Variants in PLEKHG6 observed in about 807,000 individuals in gnomAD.
The protein encoded by PLEKHG6 is pleckstrin homology and RhoGEF domain containing G6.
Under a neutral mutation model 97.5 loss-of-function variants are expected in PLEKHG6, and 91 were observed. That is an observed-to-expected ratio of 0.93 (90% confidence interval 0.79 to 1.11). The LOEUF (loss-of-function observed/expected upper bound fraction) is 1.11, where lower values mean the gene tolerates loss of function less well. Among genes scored for constraint, PLEKHG6 ranks in the 50% most tolerant of loss-of-function variants. The pLI is 0.00. For synonymous variants in PLEKHG6, 466 were observed against 425.5 expected (o/e 1.10, Z -1.17); for missense variants, 1,044 against 1,031.0 (o/e 1.01, Z -0.17).
At chr12:6,322,418 G>A (rs1294439018) in intron 13 of PLEKHG6, among the ~76,000 whole-genome samples, 6 of 152,164 alleles carry the variant, frequency 3.9e-5, no homozygotes, top group Admixed American at 6.5e-5. Flanking sequence ...GGAGGCAGGT[G>A]GGTTTTGTGA....
chr12:6,315,116 G>C lies in PLEKHG6; in HGVS notation c.406G>C (p.Asp136His). ...GCACTGGGAGATAGGAGAGGGTGGC[G>C]ACAGTGGCCTGACCATCGAGAAGTC... The part of the protein sequence containing the change: ...RRHWEIGEGG[D>H]SGLTIEKSWR... Residue 136 changes from aspartate to histidine, a missense_variant, in exon 4 of 16, where the codon GAC (aspartate) becomes CAC (histidine). Coordinates refer to ENST00000684764, the MANE Select transcript of PLEKHG6 (RefSeq NM_001384598.1). The surrounding 1 kb of genome is among the most constrained non-coding windows in gnomAD (Gnocchi z 4.5). 6.2e-7 allele frequency: 1 copy of C among 1,612,834 alleles called. No homozygotes were observed. The highest frequency in any genetic ancestry group is 8.5e-7 in the Non-Finnish European group (1 of 1,180,006).
intron 13 of PLEKHG6, among the ~76,000 whole-genome samples, chr12:6,321,298 AGGC>A (rs1403095536): frequency 6.6e-6 from 1 of 152,100 alleles, no homozygotes; most frequent in Middle Eastern, 3.2e-3. Context: ...CTGAGATTAC[AGGC>A]GTGAGCCACC....
intron 2 of PLEKHG6, 117 bp from the exon 3 acceptor site, chr12:6,313,512 G>A: frequency 8.0e-7 from 1 of 1,257,064 alleles, no homozygotes; most frequent in Admixed American, 2.1e-5. Flanking sequence ...AAGTGAGCCA[G>A]CCCGACTTAC....
Position 6,312,736 on chromosome 12 carries a change from G to A in PLEKHG6, c.138+372G>A, listed in dbSNP as rs564348515. On this transcript the variant is annotated intron_variant, in intron 2 of 15. Coordinates refer to ENST00000684764, the MANE Select transcript of PLEKHG6 (RefSeq NM_001384598.1). ...CTTCCTGAGATCTGCCTCTCCCTGA[G>A]TCAGGATGAAGATGAGCAAAGGTTC... 5.1e-6 allele frequency: 6 copies of A among 1,165,108 alleles called. No homozygotes were observed. In the African/African-American group the frequency reaches 6.4e-5, roughly 12 times the overall value. 72.2% of individuals were successfully genotyped at this position (1,165,108 alleles called of 1,614,324 possible).
chr12:6,326,328 TA>T, intron 13 of PLEKHG6, 99 bp from the exon 14 acceptor site: 1 of 664,698 alleles, frequency 1.5e-6, no homozygotes, highest in Non-Finnish European at 2.5e-6. Flanking sequence ...AATAATAAAA[TA>T]AAATAAGGTA....
Position 6,318,999 on chromosome 12 carries a change from T to G in PLEKHG6, c.1415T>G (p.Phe472Cys). ...VCQPLRDPNSFLLIHLTEFQC... is the reference protein window; with the variant it reads ...VCQPLRDPNSCLLIHLTEFQC... ...GGTTGTCTCCTCCATCCAGACAGCT[T>G]CCTGCTGATCCACCTCACTGAATTC... Residue 472 changes from phenylalanine (F) to cysteine (C), a missense_variant, in exon 13 of 16, where the codon TTC becomes TGC. Phe to Cys is a radical substitution (Grantham distance 205, BLOSUM62 -2). Transcript: ENST00000684764. The G allele has an allele frequency of 6.2e-7, 1 of 1,613,908 alleles. No homozygotes were observed. The highest frequency in any genetic ancestry group is 8.5e-7 in the Non-Finnish European group (1 of 1,179,864).
chr12:6,315,131 A>G lies in PLEKHG6; in HGVS notation c.421A>G (p.Ile141Val). 6.2e-7 allele frequency: 1 copy of G among 1,612,272 alleles called. No homozygotes were observed. Among genetic ancestry groups the G allele is most frequent in the African/African-American group, 1.3e-5 (1 of 75,034 alleles). ...IGEGGDSGLTIEKSWRELVPG... is the reference protein window; with the variant it reads ...IGEGGDSGLTVEKSWRELVPG... ...AGAGGGTGGCGACAGTGGCCTGACC[A>G]TCGAGAAGTCCTGGAGGGAGCTGGT... Residue 141 changes from isoleucine to valine, a missense_variant, in exon 4 of 16, where the codon ATC (isoleucine) becomes GTC (valine). Transcript: ENST00000684764. This position sits in a 1 kb window ranked among gnomAD's most constrained non-coding sequence, Gnocchi z 4.5.
intron 2 of PLEKHG6, 63 bp downstream of exon 2, chr12:6,312,427 G>A: frequency 3.4e-6 from 5 of 1,489,046 alleles, no homozygotes; most frequent in Non-Finnish European, 4.5e-6. Flanking sequence ...CCTAGGCTGT[G>A]GAGTCTCTGT....
At position 6,313,255 on chromosome 12, in the gene PLEKHG6, T is replaced by C. The variant is rs1947335488; in HGVS notation, c.139-374T>C. The C allele has an allele frequency of 3.5e-5, 49 of 1,416,988 alleles. No individual in the cohort carries two copies. The Middle Eastern group carries it at 7.6e-4, about 22-fold the overall frequency. 87.8% of individuals were successfully genotyped at this position (1,416,988 alleles called of 1,614,324 possible). A position where few individuals can be genotyped will look rare whatever the true frequency, so the allele number is the denominator to read the frequency against. ...CAAGGAGAGTTACGAGAGACCAGAATGCTGTGTGCACCACGCCTTGTCCAT... is the reference window on the plus strand; with the variant it reads ...CAAGGAGAGTTACGAGAGACCAGAACGCTGTGTGCACCACGCCTTGTCCAT... On this transcript the variant is annotated intron_variant, in intron 2 of 15. Coordinates refer to ENST00000684764, the MANE Select transcript of PLEKHG6 (RefSeq NM_001384598.1).
chr12:6,312,774 C>T, intron 2 of PLEKHG6: 1 of 1,186,534 alleles, frequency 8.4e-7, no homozygotes, highest in Non-Finnish European at 1.1e-6. Flanking sequence ...GGTGTCCCTA[C>T]TCCTCCAGTG....
In PLEKHG6 at chr12:6,317,993, A is replaced by G; in HGVS notation, c.1154A>G (p.Lys385Arg). The G allele has an allele frequency of 6.3e-7, 1 of 1,588,388 alleles. No individual in the cohort carries two copies. Among genetic ancestry groups the G allele is most frequent in the Non-Finnish European group, 8.6e-7 (1 of 1,166,924 alleles). The change falls in exon 10 of 16, where the codon AAG becomes AGG. Residue 385 changes from lysine to arginine, a missense_variant and splice_region_variant. Physicochemically the swap from Lys to Arg is conservative, Grantham distance 26. Transcript: ENST00000684764. ...VLEPPSDEVEKNLRPFSTLDL... is the reference protein window; with the variant it reads ...VLEPPSDEVERNLRPFSTLDL... ...GAGCCACCCAGTGATGAGGTGGAGA[A>G]GGTGAGAGGGCAAAGGGAAGGGACC... is the stretch of plus-strand genomic sequence containing the variant.
At position 6,316,472 on chromosome 12, in the gene PLEKHG6, G is replaced by A; in HGVS notation, c.756+68G>A. ...GAGCCCTCGGGGGTCCTGTGTGTAG[G>A]GCATGCCCACAGTATGCAAATCTCT... On this transcript the variant is annotated intron_variant, in intron 7 of 15. Transcript: ENST00000684764. The surrounding 1 kb of genome is among the most constrained non-coding windows in gnomAD (Gnocchi z 4.1). 7.1e-7 allele frequency: 1 copy of A among 1,408,934 alleles called. No homozygotes were observed. Among genetic ancestry groups the A allele is most frequent in the Admixed American group, 2.5e-5 (1 of 40,654 alleles). 87.3% of individuals were successfully genotyped at this position (1,408,934 alleles called of 1,614,324 possible). A position where few individuals can be genotyped will look rare whatever the true frequency, so the allele number is the denominator to read the frequency against.
Position 6,313,786 on chromosome 12 carries a change from TA to T in PLEKHG6, c.294+4del. On this transcript the variant is annotated splice_donor_region_variant and intron_variant, in intron 3 of 15. Coordinates refer to ENST00000684764, the MANE Select transcript of PLEKHG6 (RefSeq NM_001384598.1). ...CTGCTTCACTCCCCCAAACTCAAGG[TA>T]AGGGGGTCCCTCTCCTCCCATCCCC... The T allele has an allele frequency of 6.4e-7, 1 of 1,566,794 alleles. No individual in the cohort carries two copies. Among genetic ancestry groups the T allele is most frequent in the Non-Finnish European group, 8.6e-7 (1 of 1,157,338 alleles).
rs570484526 is a variant in PLEKHG6 at position 6,318,731 on chromosome 12, G to A, written c.1276-14G>A. 22 of 1,609,696 alleles carry A rather than the reference G, an allele frequency of 1.4e-5. No homozygotes were observed. Among genetic ancestry groups the A allele is most frequent in the East Asian group, 1.1e-4 (5 of 44,768 alleles). On this transcript the variant is annotated splice_polypyrimidine_tract_variant and intron_variant, in intron 11 of 15. Coordinates refer to ENST00000684764, the MANE Select transcript of PLEKHG6 (RefSeq NM_001384598.1). ...AGCTGACCCTGTCTCTTTCCCCTAC[G>A]CCCCCACCCCCAGCTGGACGTGTAC...
At position 6,318,869 on chromosome 12, in the gene PLEKHG6, G is replaced by A. The variant is rs773846283; in HGVS notation, c.1400G>A (p.Arg467Gln). The A allele has an allele frequency of 2.4e-5, 38 of 1,614,090 alleles. No individual in the cohort carries two copies. Among genetic ancestry groups the A allele is most frequent in the African/African-American group, 1.2e-4 (9 of 74,926 alleles). The stretch of plus-strand genomic sequence containing the variant: ...GAGAAGCTCGTGTGCCAACCCCTGC[G>A]AGACCCCAGTACGTCCTTCCTTCAG... ...MLEKLVCQPL[R>Q]DPNSFLLIHL... Residue 467 changes from arginine (R) to glutamine (Q), a missense_variant, in exon 12 of 16, where the codon CGA becomes CAA. Arg to Gln is a conservative substitution (Grantham distance 43, BLOSUM62 1). Transcript: ENST00000684764.
At position 6,328,133 on chromosome 12, in the gene PLEKHG6, C is replaced by CAG; in HGVS notation, c.2366_2367dup. The CAG allele has an allele frequency of 6.2e-7, 1 of 1,614,100 alleles. No homozygotes were observed. The highest frequency in any genetic ancestry group is 8.5e-7 in the Non-Finnish European group (1 of 1,179,950). ...CGCCTAACACCCCCTCCTGTCTTTT[C>CAG]AGAGAGGTATGAGGAATGCAGAGGA... On this transcript the variant is annotated splice_polypyrimidine_tract_variant and splice_region_variant and intron_variant, in intron 15 of 15. Coordinates refer to ENST00000684764, the MANE Select transcript of PLEKHG6 (RefSeq NM_001384598.1).
At position 6,316,146 on chromosome 12, in the gene PLEKHG6, T is replaced by C; in HGVS notation, c.607-109T>C. 4 of 1,157,522 alleles carry C rather than the reference T, an allele frequency of 3.5e-6. No homozygotes were observed. The South Asian group carries it at 4.8e-5, about 14-fold the overall frequency. The allele number at this position is 1,157,522 out of a possible 1,614,324, so 71.7% of individuals were successfully genotyped here. A position where few individuals can be genotyped will look rare whatever the true frequency, so the allele number is the denominator to read the frequency against. On this transcript the variant is annotated intron_variant, in intron 6 of 15. Transcript: ENST00000684764. The surrounding 1 kb of genome is among the most constrained non-coding windows in gnomAD (Gnocchi z 4.1). The stretch of plus-strand genomic sequence containing the variant: ...AGGCCCAGTGCCCAGTTCATCCTTC[T>C]TCACCCCCGCCCCTGCTGTCCAAGC...
chr12:6,311,915 GCA>G (rs1947282513), intron 1 of PLEKHG6, among the ~76,000 whole-genome samples: 1 of 152,014 alleles, frequency 6.6e-6, no homozygotes. Context: ...CCCCAAATAT[GCA>G]CACATGTGAG....
At chr12:6,325,615 G>A (rs147321448) in intron 13 of PLEKHG6, among the ~76,000 whole-genome samples, 9 of 152,286 alleles carry the variant, frequency 5.9e-5, no homozygotes, top group Admixed American at 1.3e-4. Flanking sequence ...CTCTGCCCAC[G>A]TTCTGCCCTC....
Sources: gnomAD v4.1 joint callset for allele counts (sites outside exome capture counted in the v4.1 genomes callset) on GRCh38, gnomAD v4.1.1 for gene constraint, Gnocchi (gnomAD v3.1) non-coding constraint, MANE v1.5 for transcripts, NCBI Gene and HGNC (gene_info 2026-07-23, HGNC 2026-07-21) for gene names.